Variants in LRRC71 observed in about 807,000 individuals in gnomAD.
The protein encoded by LRRC71 is leucine rich repeat containing 71.
LRRC71 carries 54 observed loss-of-function variants against 66.6 expected under a neutral mutation model. The ratio of observed to expected loss-of-function variants is 0.81; its 90% CI spans 0.65 to 1.02. The LOEUF is 1.02. LRRC71 is among the 50% of genes least tolerant of loss of function. The pLI, the probability that LRRC71 is intolerant of heterozygous loss-of-function variation, is 0.00. For missense variants in LRRC71, 724 were observed against 718.0 expected (o/e 1.01, Z -0.10); for synonymous variants, 323 against 303.9 (o/e 1.06, Z -0.65).
chr1:156,924,044 C>CCCCCCCCCCCCCCCCAGG lies in LRRC71; in HGVS notation c.256_257insCCCCCCCCCCCCCCCAGG (p.Arg86delinsProProProProProGlnGly). 2 of 1,547,314 alleles carry CCCCCCCCCCCCCCCCAGG rather than the reference C, an allele frequency of 1.3e-6. No homozygotes were observed. The highest frequency in any genetic ancestry group is 1.7e-6 in the Non-Finnish European group (2 of 1,145,080). Reference sequence around the variant, plus strand: ...CTTCCCCAAAGTTGTCAACCGGCCCCGCCCCCACCCGCCCTTCGTCCCCTC... The same window carrying CCCCCCCCCCCCCCCCAGG: ...CTTCCCCAAAGTTGTCAACCGGCCCCCCCCCCCCCCCCCCCAGGGCCCCCACCCGCCCTTCGTCCCCTC... On this transcript the variant is annotated protein_altering_variant, in exon 2 of 15. Coordinates refer to ENST00000337428, the MANE Select transcript of LRRC71 (RefSeq NM_144702.3).
chr1:156,940,025 G>A, the LRRC71 span: 2 of 1,507,644 alleles, frequency 1.3e-6, no homozygotes, highest in Non-Finnish European at 1.8e-6. Flanking sequence ...GGTGAAGCTG[G>A]AGGGCTCTGG....
downstream of LRRC71, chr1:156,936,682 G>C: frequency 4.7e-6 from 5 of 1,064,548 alleles, no homozygotes; most frequent in Non-Finnish European, 6.8e-6. Context: ...CTGAAGCTGA[G>C]AGAATGAACT....
intron 11 of LRRC71, 119 bp from the exon 12 acceptor site, chr1:156,930,410 T>C (rs1054654534): frequency 2.8e-5 from 22 of 795,788 alleles, no homozygotes; most frequent in African/African-American, 5.2e-5. Context: ...GCCATTTCTA[T>C]TGCACCCAAA....
intron 9 of LRRC71, 128 bp from the exon 10 acceptor site, chr1:156,929,152 C>T (rs553953538): frequency 2.6e-5 from 28 of 1,085,822 alleles, no homozygotes; most frequent in Non-Finnish European, 2.8e-5. Flanking sequence ...AGCATTTAGG[C>T]AGGGAGGTGG....
rs1323716341 is a variant in LRRC71 at position 156,927,522 on chromosome 1, A to G, written c.689A>G (p.Asn230Ser). 4 of 1,546,364 alleles carry G rather than the reference A, an allele frequency of 2.6e-6. No homozygotes were observed. Among genetic ancestry groups the G allele is most frequent in the Non-Finnish European group, 2.6e-6 (3 of 1,147,636 alleles). ...ATTGCGCACTTGTCTCTGCGGAACAATAACATCGACGACCGCGGGGCGCAA... is the reference window on the plus strand; with the variant it reads ...ATTGCGCACTTGTCTCTGCGGAACAGTAACATCGACGACCGCGGGGCGCAA... ...STIAHLSLRN[N>S]NIDDRGAQLL... Residue 230 changes from asparagine to serine, a missense_variant, in exon 7 of 15, where the codon AAT (asparagine) becomes AGT (serine). Physicochemically the swap from Asn to Ser is conservative, Grantham distance 46. Transcript: ENST00000337428.
Position 156,932,242 on chromosome 1 carries a change from T to TTA in LRRC71, c.1442-181_1442-180dup, listed in dbSNP as rs1228331001. 5 of 659,954 alleles carry TTA rather than the reference T, an allele frequency of 7.6e-6. No individual in the cohort carries two copies. In the African/African-American group the frequency reaches 9.2e-5, roughly 12 times the overall value. The allele number at this position is 659,954 out of a possible 1,614,324, so 40.9% of individuals were successfully genotyped here. A position where few individuals can be genotyped will look rare whatever the true frequency, so the allele number is the denominator to read the frequency against. ...CAGGCGATTGGAGTAATGAGAGGAG[T>TTA]TAGAGAGATGGGGAGTGTGTGAGTA... On this transcript the variant is annotated intron_variant, in intron 13 of 14. Coordinates refer to ENST00000337428, the MANE Select transcript of LRRC71 (RefSeq NM_144702.3).
At chr1:156,936,435 C>T (rs537500866), downstream of LRRC71, among the ~76,000 whole-genome samples, 2 of 139,296 alleles carry the variant, frequency 1.4e-5, no homozygotes, top group East Asian at 4.2e-4. Context: ...AGTTTGAGAC[C>T]AGCCTGGGCA....
the LRRC71 span, chr1:156,939,950 T>G: frequency 6.3e-7 from 1 of 1,589,400 alleles, no homozygotes; most frequent in Non-Finnish European, 8.5e-7. Flanking sequence ...AGCATGGGAC[T>G]GCACACCACG....
intron 12 of LRRC71, among the ~76,000 whole-genome samples, chr1:156,931,233 CCT>C (rs1049242998): frequency 2.0e-4 from 31 of 152,146 alleles, no homozygotes; most frequent in African/African-American, 6.8e-4. Flanking sequence ...TGAGCATCCG[CCT>C]CTCTTTATTT....
At chr1:156,938,701 C>G in the LRRC71 span, 1 of 517,664 alleles carries the variant, frequency 1.9e-6, no homozygotes. Context: ...CACCAATTCA[C>G]CGAGAGACAG....
intron 5 of LRRC71, 21 bp from the exon 6 acceptor site, chr1:156,927,181 T>G: frequency 6.2e-7 from 1 of 1,604,640 alleles, no homozygotes; most frequent in Non-Finnish European, 8.5e-7. Flanking sequence ...CTTCTGGTTC[T>G]CAGATCTCCC....
At chr1:156,928,363 C>CTCTTCCTCTTCTTCTTCTTCTTCT (rs1553188852) in intron 9 of LRRC71, among the ~76,000 whole-genome samples, 5 of 98,820 alleles carry the variant, frequency 5.1e-5, no homozygotes, top group East Asian at 3.5e-4. Flanking sequence ...CTTCTTCTTC[C>CTCTTCCTCTTCTTCTTCTTCTTCT]TCTTCTTCTT....
chr1:156,935,887 T>C (rs1342135687), downstream of LRRC71: 9 of 1,260,938 alleles, frequency 7.1e-6, no homozygotes, highest in Non-Finnish European at 9.8e-6. Context: ...CTAGTTTCCC[T>C]AACTGCCTCC....
chr1:156,924,242 G>T, intron 2 of LRRC71, 144 bp downstream of exon 2: 3 of 1,232,512 alleles, frequency 2.4e-6, no homozygotes, highest in Non-Finnish European at 3.4e-6. Flanking sequence ...GTGGGGAGGT[G>T]GGGGAGTCTC....
Position 156,930,044 on chromosome 1 carries a change from C to CCCTT in LRRC71, c.1240+315_1240+316insCCTT, listed in dbSNP as rs1553189670. Among the ~76,000 whole-genome samples the CCCTT allele has an allele frequency of 1.2e-3, 157 of 127,970 alleles. 1 individual carries two copies. Among genetic ancestry groups the CCCTT allele is most frequent in the African/African-American group, 4.6e-3 (151 of 32,656 alleles). The allele number at this position is 127,970 out of a possible 152,430, so 84.0% of individuals were successfully genotyped here. A position where few individuals can be genotyped will look rare whatever the true frequency, so the allele number is the denominator to read the frequency against. On this transcript the variant is annotated intron_variant, in intron 11 of 14. Coordinates refer to ENST00000337428, the MANE Select transcript of LRRC71 (RefSeq NM_144702.3). ...TCTTTTCTTTTCTTTTTCTTTCTTT[C>CCCTT]TCTTTCTTTCTTTCTTTTTCTTTCT...
At position 156,924,093 on chromosome 1, in the gene LRRC71, C is replaced by G; in HGVS notation, c.305C>G (p.Thr102Ser). 1 of 1,549,654 alleles carries G rather than the reference C, an allele frequency of 6.5e-7. No homozygotes were observed. The highest frequency in any genetic ancestry group is 8.7e-7 in the Non-Finnish European group (1 of 1,146,784). ...VPSASLSEKA[T>S]LDDPRLSGSC... is the part of the protein sequence containing the mutation. ...TCCGCCTCTTTGTCGGAAAAGGCCA[C>G]CTTAGGTGAGTGACAGTGGAGCTCC... The change falls in exon 2 of 15, where the codon ACC becomes AGC. Residue 102 changes from threonine (T) to serine (S), a missense_variant. By Grantham distance (58) the Thr-to-Ser change is moderately conservative. Coordinates refer to ENST00000337428, the MANE Select transcript of LRRC71 (RefSeq NM_144702.3).
the LRRC71 span, chr1:156,940,256 G>C: frequency 6.2e-7 from 1 of 1,610,472 alleles, no homozygotes; most frequent in South Asian, 1.1e-5. Flanking sequence ...GAGGGCCTGG[G>C]AAGGCCAAGT....
chr1:156,939,486 G>C, the LRRC71 span: 1 of 1,598,390 alleles, frequency 6.3e-7, no homozygotes, highest in Non-Finnish European at 8.5e-7. Context: ...CAGCTGTTCG[G>C]AAGACTTATC....
intron 9 of LRRC71, among the ~76,000 whole-genome samples, chr1:156,928,855 G>A (rs1376975303): frequency 6.6e-6 from 1 of 152,072 alleles, no homozygotes; most frequent in African/African-American, 2.4e-5. Context: ...ACAGGCGTGA[G>A]CCACTGCACC....
Sources: allele counts gnomAD v4.1 joint callset (sites outside exome capture counted in the v4.1 genomes callset), GRCh38; gene constraint gnomAD v4.1.1; transcripts MANE v1.5; gene names NCBI Gene and HGNC (gene_info 2026-07-23, HGNC 2026-07-21).